Variants in GNA14 observed in about 807,000 individuals in gnomAD.
GNA14 encodes the protein guanine nucleotide-binding protein subunit alpha-14.
GNA14 carries 50 observed loss-of-function variants against 42.0 expected under a neutral mutation model. The ratio of observed to expected loss-of-function variants is 1.19; its 90% CI spans 0.95 to 1.51. The LOEUF (loss-of-function observed/expected upper bound fraction) is 1.51, where lower values mean the gene tolerates loss of function less well. GNA14 is among the 40% of genes most tolerant of loss of function. GNA14 has a pLI of 0.00. For missense variants in GNA14, 473 were observed against 446.2 expected (o/e 1.06, Z -0.54); for synonymous variants, 173 against 163.1 (o/e 1.06, Z -0.46).
At chr9:77,520,049 A>G (rs1000363352) in intron 2 of GNA14, among the ~76,000 whole-genome samples, 1 of 152,124 alleles carries the variant, frequency 6.6e-6, no homozygotes, top group African/African-American at 2.4e-5. Flanking sequence ...AGACTTCACC[A>G]CTATGCAACA....
At chr9:77,581,655 G>A (rs1031455393) in intron 1 of GNA14, among the ~76,000 whole-genome samples, 3 of 152,182 alleles carry the variant, frequency 2.0e-5, no homozygotes, top group Non-Finnish European at 4.4e-5. Flanking sequence ...GATCCTTTTA[G>A]GAAGTAAATG....
intron 1 of GNA14, among the ~76,000 whole-genome samples, chr9:77,647,407 C>T (rs150373808): frequency 9.2e-5 from 14 of 152,256 alleles, no homozygotes; most frequent in African/African-American, 2.9e-4. Flanking sequence ...TAAGGTACAG[C>T]GGTCAAGAGG....
intron 2 of GNA14, among the ~76,000 whole-genome samples, chr9:77,499,259 C>A (rs146012108): frequency 1.2e-3 from 176 of 152,022 alleles, no homozygotes; most frequent in African/African-American, 4.0e-3. Flanking sequence ...TTCATTTTTC[C>A]TGATTATGAA....
chr9:77,567,862 G>A (rs576107279), intron 1 of GNA14, among the ~76,000 whole-genome samples: 6 of 151,914 alleles, frequency 3.9e-5, no homozygotes, highest in East Asian at 3.9e-4. Flanking sequence ...GAGAGACTCC[G>A]TCTCAAAAAC....
At chr9:77,555,264 G>C (rs1343468263) in intron 1 of GNA14, among the ~76,000 whole-genome samples, 1 of 152,140 alleles carries the variant, frequency 6.6e-6, no homozygotes, top group African/African-American at 2.4e-5. Flanking sequence ...CCAGCACTTT[G>C]GGAGGCTGAG....
intron 2 of GNA14, among the ~76,000 whole-genome samples, chr9:77,448,362 T>C (rs886355729): frequency 6.6e-6 from 1 of 152,182 alleles, no homozygotes; most frequent in Non-Finnish European, 1.5e-5. Flanking sequence ...ATCATTCTGG[T>C]TTTCATTTTC....
In GNA14 at chr9:77,611,481, G is replaced by A. The variant is rs963576267; in HGVS notation, c.124+36189C>T. ...GACATTGCCTCTGTCTTCCAAGACT[G>A]TTTGCTATCCCAACATCTTTGAAAG... On this transcript the variant is annotated intron_variant, in intron 1 of 6. Transcript: ENST00000341700. 2.6e-5 allele frequency among the ~76,000 whole-genome samples: 4 copies of A among 152,282 alleles called. No homozygotes were observed. In the South Asian group the frequency reaches 8.3e-4, roughly 32 times the overall value.
At chr9:77,580,730 G>A (rs897132212) in intron 1 of GNA14, 1 of 218,724 alleles carries the variant, frequency 4.6e-6, no homozygotes, top group African/African-American at 2.3e-5. Flanking sequence ...AAATGAGCAG[G>A]GCCACGATGG....
chr9:77,613,524 G>C (rs142987180), intron 1 of GNA14, among the ~76,000 whole-genome samples: 2 of 152,186 alleles, frequency 1.3e-5, no homozygotes, highest in Non-Finnish European at 2.9e-5. Context: ...TGCTAACAGC[G>C]TAGATCTTAA....
chr9:77,518,851 A>C (rs996178102), intron 2 of GNA14, among the ~76,000 whole-genome samples: 1 of 152,316 alleles, frequency 6.6e-6, no homozygotes, highest in African/African-American at 2.4e-5. Flanking sequence ...CATTTTTTTA[A>C]AAAGAGAAAG....
chr9:77,573,870 G>T (rs2131797826), intron 1 of GNA14, among the ~76,000 whole-genome samples: 1 of 152,256 alleles, frequency 6.6e-6, no homozygotes, highest in South Asian at 2.1e-4. Context: ...GAAGAAGAGG[G>T]TCAGGAGAGA....
chr9:77,634,910 C>A (rs1824157069), intron 1 of GNA14, among the ~76,000 whole-genome samples: 1 of 152,186 alleles, frequency 6.6e-6, no homozygotes, highest in Non-Finnish European at 1.5e-5. Context: ...ATGTGAAACT[C>A]TTCAACACTC....
chr9:77,458,198 T>G (rs905029669), intron 2 of GNA14, among the ~76,000 whole-genome samples: 1 of 152,212 alleles, frequency 6.6e-6, no homozygotes, highest in African/African-American at 2.4e-5. Flanking sequence ...GATGGCACTG[T>G]GGAGCAGAGG....
intron 1 of GNA14, among the ~76,000 whole-genome samples, chr9:77,603,654 A>T (rs771135787): frequency 6.6e-6 from 1 of 152,008 alleles, no homozygotes; most frequent in African/African-American, 2.4e-5. Flanking sequence ...GGCAGCCAGC[A>T]ATGTGTCACG....
At chr9:77,596,337 A>T (rs1389479767) in intron 1 of GNA14, among the ~76,000 whole-genome samples, 1 of 151,986 alleles carries the variant, frequency 6.6e-6, no homozygotes, top group Non-Finnish European at 1.5e-5. Context: ...TTTTACAGTG[A>T]TTTTTTTTGT....
At chr9:77,469,479 T>C (rs1435372398) in intron 2 of GNA14, among the ~76,000 whole-genome samples, 2 of 151,246 alleles carry the variant, frequency 1.3e-5, no homozygotes, top group Admixed American at 1.3e-4. Context: ...TTAAGACAAA[T>C]TGCTTACAAG....
At chr9:77,631,328 C>T (rs1482212864) in intron 1 of GNA14, among the ~76,000 whole-genome samples, 1 of 152,058 alleles carries the variant, frequency 6.6e-6, no homozygotes, top group Non-Finnish European at 1.5e-5. Flanking sequence ...ATCACATGGC[C>T]ACAATTAGCA....
chr9:77,504,622 T>C (rs557451121), intron 2 of GNA14, among the ~76,000 whole-genome samples: 28 of 149,022 alleles, frequency 1.9e-4, no homozygotes, highest in Non-Finnish European at 3.7e-4. Context: ...GGGGAAGCCA[T>C]GGACTCTGTT....
chr9:77,507,464 G>A (rs938474932), intron 2 of GNA14, among the ~76,000 whole-genome samples: 8 of 152,042 alleles, frequency 5.3e-5, no homozygotes, highest in African/African-American at 1.9e-4. Flanking sequence ...ATGGATGCTG[G>A]ATCCAATGCC....
Sources: allele counts gnomAD v4.1 joint callset (sites outside exome capture counted in the v4.1 genomes callset), GRCh38; gene constraint gnomAD v4.1.1; transcripts MANE v1.5; gene names NCBI Gene and HGNC (gene_info 2026-07-23, HGNC 2026-07-21).